Variants in SORCS2 observed in about 807,000 individuals in gnomAD.
SORCS2 encodes sortilin related VPS10 domain containing receptor 2, also known as VPS10 domain-containing receptor SorCS2.
In SORCS2, 100 loss-of-function variants were observed where a neutral mutation model predicts 141.6. That is an observed-to-expected ratio of 0.71 (90% CI 0.60 to 0.83). SORCS2 has a LOEUF of 0.83. Among genes scored for constraint, SORCS2 ranks in the 40% least tolerant of loss-of-function variants. The pLI is 0.00. For synonymous variants in SORCS2, 789 were observed against 676.9 expected, an observed-to-expected ratio of 1.17 and a Z score of -2.57; for missense variants, 1,646 against 1,560.2, an observed-to-expected ratio of 1.05 and a Z score of -0.93.
At chr4:7,244,587 C>T (rs750234097) in intron 1 of SORCS2, among the ~76,000 whole-genome samples, 3 of 152,192 alleles carry the variant, frequency 2.0e-5, no homozygotes, top group Non-Finnish European at 4.4e-5. Context: ...TGTGGGTTGG[C>T]CTTGGCACTG....
At chr4:7,581,609 C>T (rs1333346230) in intron 3 of SORCS2, among the ~76,000 whole-genome samples, 1 of 152,084 alleles carries the variant, frequency 6.6e-6, no homozygotes, top group Non-Finnish European at 1.5e-5. Context: ...CATTTGAGGC[C>T]CAGCAAACTC....
At chr4:7,616,886 GCAGACTGCTCCA>G (rs2108819549) in intron 3 of SORCS2, among the ~76,000 whole-genome samples, 1 of 152,334 alleles carries the variant, frequency 6.6e-6, no homozygotes, top group African/African-American at 2.4e-5. Context: ...CTGCGATGGT[GCAGACTGCTCCA>G]GGCTCCCTGG....
intron 1 of SORCS2, among the ~76,000 whole-genome samples, chr4:7,198,410 A>G (rs1455438920): frequency 1.3e-5 from 2 of 152,150 alleles, no homozygotes; most frequent in East Asian, 3.8e-4. Context: ...TGGTGGCTCC[A>G]AGCTTGGGGT....
chr4:7,193,141 C>T lies in SORCS2; in HGVS notation c.480+15C>T. On this transcript the variant is annotated intron_variant, in intron 1 of 26. Transcript: ENST00000507866. The surrounding 1 kb of genome is among the most constrained non-coding windows in gnomAD (Gnocchi z 4.8). ...AGAACAGCAGCGTAAGTGACCTCCA[C>T]GCGCTCGCCGCGGCCCCTACCCGGG... 2 of 1,504,286 alleles carry T rather than the reference C, an allele frequency of 1.3e-6. No homozygotes were observed. Among genetic ancestry groups the T allele is most frequent in the South Asian group, 1.3e-5 (1 of 78,964 alleles). 93.2% of individuals were successfully genotyped at this position (1,504,286 alleles called of 1,614,324 possible). A position where few individuals can be genotyped will look rare whatever the true frequency, so the allele number is the denominator to read the frequency against.
intron 2 of SORCS2, among the ~76,000 whole-genome samples, chr4:7,499,579 T>A (rs1807084): frequency 0.19 from 29,465 of 151,414 alleles, 5,192 homozygotes; most frequent in African/African-American, 0.48. Context: ...GGCTGGCGGG[T>A]GGGGGCCGGC....
At chr4:7,350,127 T>C (rs1032767894) in intron 1 of SORCS2, among the ~76,000 whole-genome samples, 1 of 152,190 alleles carries the variant, frequency 6.6e-6, no homozygotes, top group African/African-American at 2.4e-5. Flanking sequence ...GTGTTGTAAA[T>C]GGACACGACT....
intron 2 of SORCS2, among the ~76,000 whole-genome samples, chr4:7,409,872 C>T (rs964206460): frequency 6.6e-6 from 1 of 152,172 alleles, no homozygotes; most frequent in African/African-American, 2.4e-5. Context: ...GGAGTGAAGC[C>T]AGGTTGCTTC....
chr4:7,482,752 C>T (rs1387826976), intron 2 of SORCS2, among the ~76,000 whole-genome samples: 11 of 108,890 alleles, frequency 1.0e-4, no homozygotes, highest in East Asian at 3.6e-4. Context: ...ACACCCCTGA[C>T]GCTGTTCAGA....
intron 1 of SORCS2, among the ~76,000 whole-genome samples, chr4:7,297,323 C>T (rs746528914): frequency 7.2e-5 from 11 of 152,164 alleles, no homozygotes; most frequent in Non-Finnish European, 1.3e-4. Flanking sequence ...GGAAGAGCCA[C>T]GCCCCCTTCT....
At chr4:7,539,851 A>G (rs1200505286) in intron 3 of SORCS2, among the ~76,000 whole-genome samples, 10 of 65,368 alleles carry the variant, frequency 1.5e-4, no homozygotes, top group Non-Finnish European at 3.0e-4. Context: ...GCTCCGCCCC[A>G]TTCCTGCTGT....
At chr4:7,660,352 AG>A (rs1722073952) in intron 5 of SORCS2, among the ~76,000 whole-genome samples, 2 of 152,158 alleles carry the variant, frequency 1.3e-5, no homozygotes, top group Non-Finnish European at 2.9e-5. Context: ...GGGCAGCTAC[AG>A]TGTCTCCTTT....
chr4:7,198,521 C>T (rs1727299119), intron 1 of SORCS2, among the ~76,000 whole-genome samples: 1 of 152,144 alleles, frequency 6.6e-6, no homozygotes, highest in South Asian at 2.1e-4. Context: ...GGATTGGAGC[C>T]TGAGGTGTGG....
intron 14 of SORCS2, among the ~76,000 whole-genome samples, chr4:7,712,135 C>T (rs1076968): frequency 6.6e-6 from 1 of 152,210 alleles, no homozygotes; most frequent in Non-Finnish European, 1.5e-5. Flanking sequence ...CCCCACCCAC[C>T]TAGGCTGCGA....
At chr4:7,426,735 G>A (rs1364520185) in intron 2 of SORCS2, among the ~76,000 whole-genome samples, 4 of 152,266 alleles carry the variant, frequency 2.6e-5, no homozygotes. Context: ...TGTACTTATG[G>A]GATGCCTGAG....
rs141264147 is a variant in SORCS2, at chr4:7,562,868, G to A, written c.648+31239G>A. The stretch of plus-strand genomic sequence containing the variant: ...CTGTGTGTGTTTGTCCAAGTTTCCT[G>A]CTTCTTATAAGAACACAGCCATTGG... On this transcript the variant is annotated intron_variant, in intron 3 of 26. Transcript: ENST00000507866. 8.2e-3 allele frequency among the ~76,000 whole-genome samples: 1,251 copies of A among 152,232 alleles called. 14 individuals carry two copies. The highest frequency in any genetic ancestry group is 0.027 in the African/African-American group (1,132 of 41,544).
intron 1 of SORCS2, among the ~76,000 whole-genome samples, chr4:7,209,075 A>G (rs4234795): frequency 0.93 from 142,005 of 152,282 alleles, 66,282 homozygotes; most frequent in East Asian, 1. Context: ...TGCAAGCTGC[A>G]GACCTCGTGA....
Position 7,244,982 on chromosome 4 carries a change from G to T in SORCS2, c.480+51856G>T, listed in dbSNP as rs562440083. Among the ~76,000 whole-genome samples, 239 of 152,302 alleles carry T rather than the reference G, an allele frequency of 1.6e-3. 1 individual carries two copies. The highest frequency in any genetic ancestry group is 2.5e-3 in the Non-Finnish European group (168 of 68,024). On this transcript the variant is annotated intron_variant, in intron 1 of 26. Coordinates refer to ENST00000507866, the MANE Select transcript of SORCS2 (RefSeq NM_020777.3). The stretch of plus-strand genomic sequence containing the variant: ...TTGGAAGGGGGGTGGCTGGAGGGGG[G>T]TGGAGTAAGCCACCATGGGAACCCA...
chr4:7,514,672 G>A (rs1381568581), intron 2 of SORCS2, among the ~76,000 whole-genome samples: 1 of 152,092 alleles, frequency 6.6e-6, no homozygotes, highest in African/African-American at 2.4e-5. Context: ...GTGTACAATG[G>A]ACAGTGCTTA....
chr4:7,220,188 C>A (rs919591336), intron 1 of SORCS2, among the ~76,000 whole-genome samples: 2 of 151,932 alleles, frequency 1.3e-5, no homozygotes, highest in Admixed American at 6.6e-5. Context: ...CGGCCCTGCA[C>A]TGAGGGAGCC....
Sources: allele counts gnomAD v4.1 joint callset (sites outside exome capture counted in the v4.1 genomes callset), GRCh38; gene constraint gnomAD v4.1.1; non-coding constraint Gnocchi (gnomAD v3.1); transcripts MANE v1.5; gene names NCBI Gene and HGNC (gene_info 2026-07-23, HGNC 2026-07-21).